MIB1: variants seen among roughly 807,000 people sequenced by gnomAD.
MIB1 encodes MIB E3 ubiquitin protein ligase 1, also known as E3 ubiquitin-protein ligase MIB1.
A neutral mutation model predicts 124.5 loss-of-function variants in MIB1; 278 were observed. That is an observed-to-expected ratio of 2.23 (90% CI 2.02 to 2.47). MIB1 has a LOEUF of 2.47. Among genes scored for constraint, MIB1 ranks in the 30% most tolerant of loss-of-function variants. MIB1 has a pLI of 0.00. For missense variants in MIB1, 957 were observed against 1,254.4 expected, an observed-to-expected ratio of 0.76 and a Z score of 3.58; for synonymous variants, 446 against 429.4, an observed-to-expected ratio of 1.04 and a Z score of -0.48.
At chr18:21,752,601 A>G (rs1011919551) in intron 1 of MIB1, among the ~76,000 whole-genome samples, 3 of 152,250 alleles carry the variant, frequency 2.0e-5, no homozygotes, top group East Asian at 1.9e-4. Flanking sequence ...CTTCAATTAG[A>G]TTGACAAAAA....
intron 12 of MIB1, among the ~76,000 whole-genome samples, chr18:21,822,737 G>C (rs1031339573): frequency 6.6e-6 from 1 of 151,992 alleles, no homozygotes; most frequent in Non-Finnish European, 1.5e-5. Flanking sequence ...AGTGATGTCA[G>C]AAGACAGAAG....
chr18:21,832,503 G>C (rs900964038), intron 12 of MIB1, among the ~76,000 whole-genome samples: 5 of 152,048 alleles, frequency 3.3e-5, no homozygotes, highest in African/African-American at 1.2e-4. Context: ...ATTAAAACAT[G>C]AAGTCCAGTA....
At chr18:21,740,706 C>T (rs932910436), upstream of MIB1, among the ~76,000 whole-genome samples, 4 of 152,356 alleles carry the variant, frequency 2.6e-5, no homozygotes, top group Non-Finnish European at 5.9e-5. Flanking sequence ...TCCAGGGATC[C>T]GCCCCTGGGC....
chr18:21,863,566 C>A (rs775908926), intron 20 of MIB1, among the ~76,000 whole-genome samples: 29 of 152,286 alleles, frequency 1.9e-4, no homozygotes, highest in Non-Finnish European at 4.3e-4. Flanking sequence ...GAAGTCCAGT[C>A]ATCCCTTTGA....
At position 21,779,579 on chromosome 18, in the gene MIB1, CAT is replaced by C. The variant is rs748443643; in HGVS notation, c.803_804del (p.His268ArgfsTer5). 6.2e-7 allele frequency: 1 copy of C among 1,613,904 alleles called. No homozygotes were observed. The highest frequency in any genetic ancestry group is 8.5e-7 in the Non-Finnish European group (1 of 1,179,894). Reference protein sequence around the residue: ...LEIVQSLQHGHGGWTDGMFET... With the variant: ...LEIVQSLQHGXGGWTDGMFET... ...AATTGTACAGTCTTTGCAGCATGGT[CAT>C]GGAGGATGGACTGATGGAATGTTTG... On this transcript the variant is annotated frameshift_variant, in exon 6 of 21. Transcript: ENST00000261537. LOFTEE classifies it high-confidence loss of function.
intron 18 of MIB1, among the ~76,000 whole-genome samples, chr18:21,856,240 A>AAAAAACAC (rs1555696791): frequency 7.4e-6 from 1 of 135,446 alleles, no homozygotes; most frequent in Non-Finnish European, 1.5e-5. Context: ...CCGTCTCAAA[A>AAAAAACAC]AAAAAACAAA....
intron 12 of MIB1, among the ~76,000 whole-genome samples, chr18:21,822,238 A>T (rs186937339): frequency 1.3e-5 from 2 of 152,380 alleles, no homozygotes; most frequent in Non-Finnish European, 2.9e-5. Context: ...CATAAAGTTT[A>T]GTATAAACTG....
At chr18:21,732,344 A>G (rs2040774974) in intron 1 of MIB1, among the ~76,000 whole-genome samples, 1 of 111,456 alleles carries the variant, frequency 9.0e-6, no homozygotes, top group South Asian at 3.2e-4. Context: ...TATATATATT[A>G]TATGTATACA....
rs2041860146 is a variant in MIB1, at chr18:21,819,490, T to G, written c.1678-5T>G. 6.3e-7 allele frequency: 1 copy of G among 1,581,348 alleles called. No homozygotes were observed. The highest frequency in any genetic ancestry group is 8.6e-7 in the Non-Finnish European group (1 of 1,158,998). ...GAACTAATGAAAATTTCTTTAAACT[T>G]AAAGGATTCTGAAGGTGATACCCCT... On this transcript the variant is annotated splice_region_variant and splice_polypyrimidine_tract_variant and intron_variant, in intron 11 of 20. Transcript: ENST00000261537.
chr18:21,742,012 C>G lies in MIB1; in HGVS notation c.229+200C>G, dbSNP rs866443544. ...AACACTTTCAGAAAAGACCCTCTACCCCCAAGGGAAATGATGGCAGCACCA... is the reference window on the plus strand; with the variant it reads ...AACACTTTCAGAAAAGACCCTCTACGCCCAAGGGAAATGATGGCAGCACCA... On this transcript the variant is annotated intron_variant, in intron 1 of 20. Transcript: ENST00000261537. 2.6e-5 allele frequency among the ~76,000 whole-genome samples: 4 copies of G among 152,186 alleles called. No individual in the cohort carries two copies. The South Asian group carries it at 8.3e-4, about 31-fold the overall frequency.
chr18:21,778,213 G>A (rs2041314717), intron 5 of MIB1, 44 bp downstream of exon 5: 2 of 1,311,064 alleles, frequency 1.5e-6, no homozygotes, highest in Non-Finnish European at 1.1e-6. Context: ...ATGGGTCAGA[G>A]TTCGTGGAAT....
intron 12 of MIB1, chr18:21,828,468 TAAAACAAC>T (rs2041947434): frequency 6.6e-6 from 1 of 151,950 alleles, no homozygotes; most frequent in Admixed American, 6.6e-5. Context: ...AAAGCCTTTT[TAAAACAAC>T]AAAACTTTTG....
intron 10 of MIB1, among the ~76,000 whole-genome samples, chr18:21,810,397 AT>A (rs2041758342): frequency 6.6e-6 from 1 of 152,068 alleles, no homozygotes; most frequent in Non-Finnish European, 1.5e-5. Flanking sequence ...CTATCCAGAA[AT>A]TCATAAGGAA....
rs1174403125 is a variant in MIB1, at chr18:21,724,723, AAAAAATATATATATATAT to A, written n.167+19602_167+19619del. 5.9e-4 allele frequency among the ~76,000 whole-genome samples: 32 copies of A among 53,856 alleles called. 1 individual carries two copies. Among genetic ancestry groups the A allele is most frequent in the African/African-American group, 1.1e-3 (16 of 14,012 alleles). The allele number at this position is 53,856 out of a possible 152,430, so 35.3% of individuals were successfully genotyped here. ...CTGTCTCCCCCATCCAAAAAAAAAAAAAAAATATATATATATATATATATATATATATATATATATATA... is the reference window on the plus strand; with the variant it reads ...CTGTCTCCCCCATCCAAAAAAAAAAAATATATATATATATATATATATATA... On this transcript the variant is annotated intron_variant and non_coding_transcript_variant, in intron 1 of 20. Transcript: ENST00000578646.
At chr18:21,811,625 G>A (rs543170539) in intron 10 of MIB1, among the ~76,000 whole-genome samples, 2 of 152,110 alleles carry the variant, frequency 1.3e-5, no homozygotes, top group African/African-American at 4.8e-5. Context: ...ATACTGTATG[G>A]TTCCACTAAG....
At chr18:21,754,371 T>G (rs1003406869) in intron 1 of MIB1, among the ~76,000 whole-genome samples, 1 of 152,248 alleles carries the variant, frequency 6.6e-6, no homozygotes, top group South Asian at 2.1e-4. Context: ...AATTGCATAC[T>G]ATTCTGAATA....
intron 6 of MIB1, among the ~76,000 whole-genome samples, chr18:21,789,337 C>T (rs917484829): frequency 2.0e-5 from 3 of 152,020 alleles, no homozygotes; most frequent in African/African-American, 7.2e-5. Flanking sequence ...TATAAGGACA[C>T]TAAACATTGA....
At chr18:21,864,423 A>T (rs993807299) in intron 20 of MIB1, 103 bp from the exon 21 acceptor site, 2 of 930,854 alleles carry the variant, frequency 2.1e-6, no homozygotes, top group Non-Finnish European at 3.2e-6. Context: ...CCACCAAAAT[A>T]TTATTTGACT....
chr18:21,730,012 G>A (rs984911233), intron 1 of MIB1, among the ~76,000 whole-genome samples: 1 of 152,238 alleles, frequency 6.6e-6, no homozygotes, highest in Admixed American at 6.5e-5. Context: ...AATGGACTAA[G>A]ATGGTTGGAA....
Sources: gnomAD v4.1 joint callset for allele counts (sites outside exome capture counted in the v4.1 genomes callset) on GRCh38, gnomAD v4.1.1 for gene constraint, MANE v1.5 for transcripts, NCBI Gene and HGNC (gene_info 2026-07-23, HGNC 2026-07-21) for gene names.